The following CCDC149 variants were observed in gnomAD, a reference collection of about 807,000 sequenced individuals.
The protein encoded by CCDC149 is coiled-coil domain-containing protein 149.
In CCDC149, 45 loss-of-function variants were observed where a neutral mutation model predicts 59.9. The ratio of observed to expected loss-of-function variants is 0.75; its 90% CI spans 0.59 to 0.96. CCDC149 has a LOEUF of 0.96. CCDC149 is among the 40% of genes least tolerant of loss of function. CCDC149 has a pLI of 0.00. For synonymous variants in CCDC149, 245 were observed against 260.6 expected (o/e 0.94, Z 0.58); for missense variants, 584 against 664.7 (o/e 0.88, Z 1.33).
At chr4:24,952,350 G>C (rs1723314852) in intron 1 of CCDC149, among the ~76,000 whole-genome samples, 1 of 151,762 alleles carries the variant, frequency 6.6e-6, no homozygotes, top group East Asian at 1.9e-4. Context: ...CCAGCATTTT[G>C]GGATGCCAAG....
intron 1 of CCDC149, among the ~76,000 whole-genome samples, chr4:24,893,657 A>G (rs1720667417): frequency 1.0e-5 from 1 of 100,116 alleles, no homozygotes; most frequent in South Asian, 3.7e-4. Context: ...CACTCTGTCA[A>G]TCAGGCTGGA....
intron 3 of CCDC149, among the ~76,000 whole-genome samples, chr4:24,858,474 T>G (rs772432941): frequency 1.3e-5 from 2 of 152,206 alleles, no homozygotes; most frequent in Admixed American, 6.5e-5. Flanking sequence ...TAGTGGAATG[T>G]TGAATATAGT....
intron 1 of CCDC149, among the ~76,000 whole-genome samples, chr4:24,919,559 G>T (rs1474426847): frequency 6.6e-6 from 1 of 152,220 alleles, no homozygotes; most frequent in Non-Finnish European, 1.5e-5. Context: ...AAAGCTCTGG[G>T]AGGGGCAGGA....
chr4:24,820,055 C>T lies in CCDC149; in HGVS notation c.1076-80G>A. On this transcript the variant is annotated intron_variant, in intron 11 of 12. Transcript: ENST00000635206. ...CATTTAGTCCCACACACTTAATCGGCACAGGGCTGGCTACCCACAGACACT... is the reference window on the plus strand; with the variant it reads ...CATTTAGTCCCACACACTTAATCGGTACAGGGCTGGCTACCCACAGACACT... The T allele has an allele frequency of 8.8e-6, 9 of 1,018,668 alleles. No homozygotes were observed. In the South Asian group the frequency reaches 1.4e-4, roughly 16 times the overall value. The allele number at this position is 1,018,668 out of a possible 1,614,324, so 63.1% of individuals were successfully genotyped here. A position where few individuals can be genotyped will look rare whatever the true frequency, so the allele number is the denominator to read the frequency against.
chr4:24,848,182 C>T (rs561154870), intron 4 of CCDC149, among the ~76,000 whole-genome samples: 144 of 152,212 alleles, frequency 9.5e-4, no homozygotes, highest in Non-Finnish European at 1.3e-3. Flanking sequence ...ATGCTGTCTA[C>T]GCTACCCACC....
intron 11 of CCDC149, 68 bp from the exon 12 acceptor site, chr4:24,820,043 A>C: frequency 8.5e-7 from 1 of 1,171,846 alleles, no homozygotes; most frequent in South Asian, 1.5e-5. Flanking sequence ...TTAGTCCCAC[A>C]CACTTAATCG....
intron 7 of CCDC149, 66 bp downstream of exon 7, chr4:24,836,370 T>C (rs769091228): frequency 7.2e-5 from 80 of 1,106,766 alleles, no homozygotes; most frequent in Non-Finnish European, 1.1e-4. Flanking sequence ...TAGAAGGGAA[T>C]TAAAATAGAA....
intron 1 of CCDC149, among the ~76,000 whole-genome samples, chr4:24,968,448 T>C (rs1560272687): frequency 1.3e-5 from 2 of 152,162 alleles, no homozygotes; most frequent in Non-Finnish European, 2.9e-5. Context: ...GTGGGGTACC[T>C]ACTTGGAGCA....
chr4:24,942,320 CA>C (rs1177969284), intron 1 of CCDC149, among the ~76,000 whole-genome samples: 2 of 151,746 alleles, frequency 1.3e-5, no homozygotes, highest in East Asian at 1.9e-4. Context: ...AATAGATGCA[CA>C]AAAGGCCTTT....
chr4:24,915,839 C>T (rs539068105), upstream of CCDC149, among the ~76,000 whole-genome samples: 2 of 152,262 alleles, frequency 1.3e-5, no homozygotes, highest in African/African-American at 2.4e-5. Context: ...ATTTATGTAG[C>T]CTGACATTGA....
intron 1 of CCDC149, among the ~76,000 whole-genome samples, chr4:24,891,419 G>T (rs1720524711): frequency 6.6e-6 from 1 of 152,138 alleles, no homozygotes; most frequent in Admixed American, 6.5e-5. Context: ...GGCTTTCTGG[G>T]AAAATGGCAA....
rs377278394 is a variant in CCDC149, at chr4:24,964,192, TAA to T, written c.-65+15875_-65+15876del. 1.1e-4 allele frequency among the ~76,000 whole-genome samples: 13 copies of T among 119,186 alleles called. 1 individual carries two copies. Among genetic ancestry groups the T allele is most frequent in the South Asian group, 3.1e-4 (1 of 3,276 alleles). 78.2% of individuals were successfully genotyped at this position (119,186 alleles called of 152,430 possible). A position where few individuals can be genotyped will look rare whatever the true frequency, so the allele number is the denominator to read the frequency against. The stretch of plus-strand genomic sequence containing the variant: ...CTGGGCAACAGAGTGAGACCCTATC[TAA>T]AAAAAAAAAAAAAAAAAGAGCCAAA... On this transcript the variant is annotated intron_variant, in intron 1 of 12. Transcript: ENST00000389609.
chr4:24,902,453 G>C (rs931424869), intron 1 of CCDC149, among the ~76,000 whole-genome samples: 2 of 152,132 alleles, frequency 1.3e-5, no homozygotes, highest in Non-Finnish European at 2.9e-5. Flanking sequence ...GGTCCTCCCT[G>C]GTTATCCAAT....
intron 1 of CCDC149, among the ~76,000 whole-genome samples, chr4:24,878,521 G>A (rs1336321269): frequency 6.6e-6 from 1 of 152,188 alleles, no homozygotes; most frequent in Non-Finnish European, 1.5e-5. Flanking sequence ...CCTCAGGGGC[G>A]TATTGAGATT....
intron 1 of CCDC149, among the ~76,000 whole-genome samples, chr4:24,894,832 GA>G (rs537862727): frequency 3.3e-3 from 504 of 152,030 alleles, no homozygotes; most frequent in African/African-American, 0.012. Context: ...AGGCCTTGAA[GA>G]AAAAAAATCT....
upstream of CCDC149, among the ~76,000 whole-genome samples, chr4:24,915,506 G>A (rs764037734): frequency 3.3e-5 from 5 of 152,188 alleles, no homozygotes; most frequent in African/African-American, 4.8e-5. Context: ...AGAAATCTTC[G>A]CATTCCAGAC....
intron 1 of CCDC149, among the ~76,000 whole-genome samples, chr4:24,961,456 C>G (rs1189357921): frequency 1.3e-5 from 2 of 152,178 alleles, no homozygotes; most frequent in Non-Finnish European, 2.9e-5. Context: ...TTGGAAAAAA[C>G]TACTTTAAAC....
chr4:24,911,800 T>A (rs929510105), intron 1 of CCDC149, among the ~76,000 whole-genome samples: 1 of 152,042 alleles, frequency 6.6e-6, no homozygotes, highest in African/African-American at 2.4e-5. Context: ...CAGAAAACGA[T>A]GAAAGGAGTG....
At chr4:24,903,499 G>A (rs896780747) in intron 1 of CCDC149, among the ~76,000 whole-genome samples, 1 of 152,160 alleles carries the variant, frequency 6.6e-6, no homozygotes, top group African/African-American at 2.4e-5. Context: ...TCGGGAATTA[G>A]AGAGGCAAGG....
Sources: allele counts gnomAD v4.1 joint callset (sites outside exome capture counted in the v4.1 genomes callset), GRCh38; gene constraint gnomAD v4.1.1; transcripts MANE v1.5; gene names NCBI Gene and HGNC (gene_info 2026-07-23, HGNC 2026-07-21).